SIDT1: variants seen among roughly 807,000 people sequenced by gnomAD.
SIDT1 encodes SID1 transmembrane family, member 1.
In SIDT1, 101 loss-of-function variants were observed where a neutral mutation model predicts 107.5. That is an observed-to-expected ratio of 0.94 (90% confidence interval 0.80 to 1.11). The LOEUF (loss-of-function observed/expected upper bound fraction) is 1.11, where lower values mean the gene tolerates loss of function less well. Ranked by LOEUF, SIDT1 falls within the 50% of genes least tolerant of loss-of-function variation. The probability of loss-of-function intolerance (pLI) is 0.00; values close to 1 mark genes in which losing one functional copy is unlikely to be tolerated. For synonymous variants in SIDT1, 395 were observed against 398.2 expected (o/e 0.99, Z 0.10); for missense variants, 1,076 against 1,058.2 (o/e 1.02, Z -0.23).
chr3:113,630,082 T>C (rs1482699561), downstream of SIDT1, among the ~76,000 whole-genome samples: 1 of 152,016 alleles, frequency 6.6e-6, no homozygotes, highest in Non-Finnish European at 1.5e-5. Flanking sequence ...CTATGCTAAC[T>C]CTTGCCTGGG....
At chr3:113,604,146 G>A (rs1576926378) in intron 13 of SIDT1, 113 bp downstream of exon 13, 2 of 670,996 alleles carry the variant, frequency 3.0e-6, no homozygotes, top group African/African-American at 1.9e-5. Flanking sequence ...ACAGGCATAG[G>A]GAATGATGTT....
chr3:113,583,114 C>T (rs1207054723), intron 6 of SIDT1, among the ~76,000 whole-genome samples: 1 of 152,148 alleles, frequency 6.6e-6, no homozygotes, highest in East Asian at 1.9e-4. Flanking sequence ...ATAGGCTATT[C>T]ACATATTATT....
chr3:113,542,146 C>T (rs1938981294), intron 1 of SIDT1, among the ~76,000 whole-genome samples: 2 of 152,084 alleles, frequency 1.3e-5, no homozygotes, highest in African/African-American at 4.8e-5. Context: ...TGTTCTCAAA[C>T]TCCTGACCTC....
intron 14 of SIDT1, chr3:113,606,527 T>G (rs1945346096): frequency 6.6e-6 from 1 of 152,392 alleles, no homozygotes; most frequent in Non-Finnish European, 1.5e-5. Flanking sequence ...CTGCATACTT[T>G]GGGGGACTGT....
intron 1 of SIDT1, among the ~76,000 whole-genome samples, chr3:113,552,566 G>A (rs1466540324): frequency 1.3e-5 from 2 of 152,140 alleles, no homozygotes; most frequent in Non-Finnish European, 2.9e-5. Flanking sequence ...AACATTTCGG[G>A]ACCAAGGGAG....
intron 3 of SIDT1, among the ~76,000 whole-genome samples, chr3:113,574,409 C>G (rs1942734565): frequency 6.6e-6 from 1 of 152,096 alleles, no homozygotes; most frequent in South Asian, 2.1e-4. Context: ...GATATCATTT[C>G]CTTCAACAAA....
At chr3:113,558,020 TGAGAGACAGAAAGAGA>T (rs959465188) in intron 1 of SIDT1, among the ~76,000 whole-genome samples, 3 of 152,052 alleles carry the variant, frequency 2.0e-5, no homozygotes, top group African/African-American at 7.2e-5. Context: ...CATTTGCATA[TGAGAGACAGAAAGAGA>T]GAGAGACAGA....
intron 3 of SIDT1, among the ~76,000 whole-genome samples, chr3:113,574,962 G>C (rs577325139): frequency 6.6e-6 from 1 of 152,138 alleles, no homozygotes; most frequent in African/African-American, 2.4e-5. Flanking sequence ...GGTTCATGTG[G>C]AAGGAAGCAG....
Position 113,623,481 on chromosome 3 carries a change from C to T in SIDT1, c.2145C>T (p.Gly715=). The stretch of plus-strand genomic sequence containing the variant: ...GGGACTTTGCTTCCTACATGCTGGG[C>T]ATCTTCATCTGTAACCTTTTGCTGT... The part of the protein sequence containing the change: ...RPRDFASYML[G]IFICNLLLYL... The change falls in exon 22 of 25, where the codon GGC becomes GGT. Residue 715 remains glycine, a synonymous_variant. Transcript: ENST00000264852. 6.2e-7 allele frequency: 1 copy of T among 1,614,122 alleles called. No individual in the cohort carries two copies. Among genetic ancestry groups the T allele is most frequent in the Non-Finnish European group, 8.5e-7 (1 of 1,179,998 alleles).
chr3:113,610,392 C>T (rs752145116), intron 17 of SIDT1, among the ~76,000 whole-genome samples: 1 of 152,194 alleles, frequency 6.6e-6, no homozygotes, highest in Non-Finnish European at 1.5e-5. Flanking sequence ...TCATCACTAA[C>T]GTTTATTACT....
chr3:113,577,369 G>A (rs1055436250), intron 4 of SIDT1, among the ~76,000 whole-genome samples: 1 of 152,092 alleles, frequency 6.6e-6, no homozygotes, highest in Non-Finnish European at 1.5e-5. Flanking sequence ...GGTAGTAAAA[G>A]GCTGACACCA....
intron 3 of SIDT1, among the ~76,000 whole-genome samples, chr3:113,568,905 A>G (rs901769005): frequency 2.0e-5 from 3 of 152,090 alleles, no homozygotes; most frequent in African/African-American, 7.2e-5. Flanking sequence ...AGGCCACAGC[A>G]GGTGGATCAC....
chr3:113,566,007 A>T (rs555192051), intron 1 of SIDT1, among the ~76,000 whole-genome samples: 1 of 152,182 alleles, frequency 6.6e-6, no homozygotes, highest in South Asian at 2.1e-4. Context: ...GCACATCCGT[A>T]TCCTTCTTTT....
At chr3:113,543,104 C>T (rs1029971097) in intron 1 of SIDT1, among the ~76,000 whole-genome samples, 3 of 152,018 alleles carry the variant, frequency 2.0e-5, no homozygotes, top group African/African-American at 7.3e-5. Flanking sequence ...CCATGCCCAG[C>T]TAATTTTTGT....
chr3:113,619,623 TAAAAG>T, intron 20 of SIDT1, 52 bp from the exon 21 acceptor site: 1 of 1,491,764 alleles, frequency 6.7e-7, no homozygotes, highest in Non-Finnish European at 9.3e-7. Context: ...CACAGTAGGT[TAAAAG>T]AAAAGTAGGC....
intron 19 of SIDT1, chr3:113,615,191 C>T: frequency 8.9e-7 from 1 of 1,122,206 alleles, no homozygotes; most frequent in Non-Finnish European, 1.3e-6. Flanking sequence ...CGGGCAGACT[C>T]CGTGGGAGTG....
Position 113,542,310 on chromosome 3 carries a change from G to A in SIDT1, c.222+9067G>A, listed in dbSNP as rs1159690526. ...TTTATGTCTGAAAATTTTTCTTAGA[G>A]TTTTTAGTATTAGTTTGTTCCAATA... On this transcript the variant is annotated intron_variant, in intron 1 of 24. Transcript: ENST00000264852. Among the ~76,000 whole-genome samples the A allele has an allele frequency of 2.0e-5, 3 of 152,018 alleles. 1 individual carries two copies. The highest frequency in any genetic ancestry group is 4.2e-4 in the South Asian group (2 of 4,806).
At chr3:113,599,610 A>G (rs557549258) in intron 10 of SIDT1, among the ~76,000 whole-genome samples, 1 of 152,354 alleles carries the variant, frequency 6.6e-6, no homozygotes, top group South Asian at 2.1e-4. Context: ...GGAGGATGTT[A>G]TGCTAAGTGG....
Position 113,609,547 on chromosome 3 carries a change from C to T in SIDT1, c.1720+1011C>T, listed in dbSNP as rs539040115. ...ACAGTGTGCATTTCTGAATTGAAAG[C>T]GGGTAGACATTGAGTTAATATTGAG... On this transcript the variant is annotated intron_variant, in intron 17 of 24. Coordinates refer to ENST00000264852, the MANE Select transcript of SIDT1 (RefSeq NM_017699.3). Among the ~76,000 whole-genome samples, 10 of 152,178 alleles carry T rather than the reference C, an allele frequency of 6.6e-5. No homozygotes were observed. The South Asian group carries it at 1.7e-3, about 25-fold the overall frequency.
Sources: allele counts gnomAD v4.1 joint callset (sites outside exome capture counted in the v4.1 genomes callset), GRCh38; gene constraint gnomAD v4.1.1; transcripts MANE v1.5; gene names NCBI Gene and HGNC (gene_info 2026-07-23, HGNC 2026-07-21).